ASB4: variants seen among roughly 807,000 people sequenced by gnomAD.
The protein encoded by ASB4 is ankyrin repeat and SOCS box protein 4.
In ASB4, 35 loss-of-function variants were observed where a neutral mutation model predicts 38.6. The ratio of observed to expected loss-of-function variants is 0.91; its 90% CI spans 0.69 to 1.20. ASB4 has a LOEUF of 1.20. Among genes scored for constraint, ASB4 ranks in the 50% most tolerant of loss-of-function variants. ASB4 has a pLI of 0.00. For missense variants in ASB4, 557 were observed against 527.2 expected, an observed-to-expected ratio of 1.06 and a Z score of -0.55; for synonymous variants, 195 against 201.3, an observed-to-expected ratio of 0.97 and a Z score of 0.26.
At chr7:95,477,521 T>C (rs1789988147), upstream of ASB4, among the ~76,000 whole-genome samples, 1 of 152,222 alleles carries the variant, frequency 6.6e-6, no homozygotes, top group South Asian at 2.1e-4. Flanking sequence ...ATTTTTTCTT[T>C]ACACTATCAG....
At chr7:95,478,210 G>A (rs1789994691), upstream of ASB4, among the ~76,000 whole-genome samples, 1 of 152,148 alleles carries the variant, frequency 6.6e-6, no homozygotes, top group Non-Finnish European at 1.5e-5. Context: ...CAATTGTGAG[G>A]TAAATGTTCT....
At chr7:95,511,351 G>A (rs1790478047) in intron 2 of ASB4, among the ~76,000 whole-genome samples, 1 of 151,816 alleles carries the variant, frequency 6.6e-6, no homozygotes, top group South Asian at 2.1e-4. Flanking sequence ...GTTTTCTTGC[G>A]GCCTCAGAAT....
In ASB4 at chr7:95,516,357, A is replaced by G. The variant is rs113470979; in HGVS notation, c.488-11456A>G. ...AATCAATGGTTTTTTGGAATTAAAA[A>G]GATAAAAAATAAAATAAATACAGGG... On this transcript the variant is annotated intron_variant, in intron 2 of 4. Coordinates refer to ENST00000325885, the MANE Select transcript of ASB4 (RefSeq NM_016116.3). Among the ~76,000 whole-genome samples, 851 of 152,290 alleles carry G rather than the reference A, an allele frequency of 5.6e-3. 10 individuals are homozygous for G. Among genetic ancestry groups the G allele is most frequent in the African/African-American group, 0.019 (788 of 41,550 alleles).
At chr7:95,514,453 A>G (rs1488731518) in intron 2 of ASB4, among the ~76,000 whole-genome samples, 2 of 152,218 alleles carry the variant, frequency 1.3e-5, no homozygotes, top group Non-Finnish European at 2.9e-5. Context: ...TATTAATTAC[A>G]TCATAAAAAT....
intron 2 of ASB4, among the ~76,000 whole-genome samples, chr7:95,499,744 C>T (rs1790305432): frequency 1.3e-5 from 2 of 151,826 alleles, no homozygotes; most frequent in African/African-American, 4.8e-5. Flanking sequence ...AAAGAAAAAG[C>T]TTGTGTGCTA....
At chr7:95,522,919 T>C (rs1790683400) in intron 2 of ASB4, among the ~76,000 whole-genome samples, 1 of 152,170 alleles carries the variant, frequency 6.6e-6, no homozygotes, top group Non-Finnish European at 1.5e-5. Flanking sequence ...AAAAGGTTCA[T>C]GAAGGAACTT....
At chr7:95,548,228 G>A in the ASB4 span, among the ~76,000 whole-genome samples, 2 of 152,196 alleles carry the variant, frequency 1.3e-5, no homozygotes, top group Admixed American at 1.3e-4. Flanking sequence ...AATAGTTGGT[G>A]ATGTAAGTCT....
upstream of ASB4, among the ~76,000 whole-genome samples, chr7:95,483,759 G>A (rs1486059239): frequency 1.3e-5 from 2 of 152,038 alleles, no homozygotes. Context: ...TATCTGCAGT[G>A]CCCAGAATAA....
At chr7:95,521,414 T>G (rs2116634479) in intron 2 of ASB4, among the ~76,000 whole-genome samples, 1 of 152,192 alleles carries the variant, frequency 6.6e-6, no homozygotes, top group South Asian at 2.1e-4. Flanking sequence ...CACTAAGAAG[T>G]TTGAGAGTAT....
intron 2 of ASB4, among the ~76,000 whole-genome samples, chr7:95,504,244 A>C (rs1490637374): frequency 6.6e-6 from 1 of 152,196 alleles, no homozygotes; most frequent in Non-Finnish European, 1.5e-5. Context: ...AAAGCCATAA[A>C]AATTCAAATG....
chr7:95,507,991 C>G (rs1397000334), intron 2 of ASB4, among the ~76,000 whole-genome samples: 1 of 151,934 alleles, frequency 6.6e-6, no homozygotes, highest in African/African-American at 2.4e-5. Flanking sequence ...AAAGTGTGAA[C>G]AAGCCTTTTA....
chr7:95,530,940 T>C lies in ASB4; in HGVS notation c.978+2637T>C, dbSNP rs147471704. Among the ~76,000 whole-genome samples, 23 of 152,292 alleles carry C rather than the reference T, an allele frequency of 1.5e-4. No homozygotes were observed. In the East Asian group the frequency reaches 4.1e-3, roughly 27 times the overall value. On this transcript the variant is annotated intron_variant, in intron 3 of 4. Transcript: ENST00000325885. Reference sequence around the variant, plus strand: ...AGAATCATGGACTTTGGGGTCAAACTTGGATTCTGTCACTTACTTAAGAGT... The same window carrying C: ...AGAATCATGGACTTTGGGGTCAAACCTGGATTCTGTCACTTACTTAAGAGT...
At position 95,527,844 on chromosome 7, in the gene ASB4, A is replaced by G; in HGVS notation, c.519A>G (p.Gln173=). The G allele has an allele frequency of 6.2e-7, 1 of 1,607,348 alleles. No homozygotes were observed. Residue 173 remains glutamine (Q), a synonymous_variant, in exon 3 of 5, where the codon CAA becomes CAG. Transcript: ENST00000325885. ...ATGTGAACATGAAGACCAACAACCAAGATGAGGAGACGCCCTTGCACACGG... is the reference window on the plus strand; with the variant it reads ...ATGTGAACATGAAGACCAACAACCAGGATGAGGAGACGCCCTTGCACACGG... The part of the protein sequence containing the change: ...GANVNMKTNN[Q]DEETPLHTAA...
chr7:95,542,327 T>G (rs564899137), downstream of ASB4: 1 of 152,316 alleles, frequency 6.6e-6, no homozygotes, highest in South Asian at 2.1e-4. Flanking sequence ...AACCTACATT[T>G]CAGTGATAAG....
chr7:95,545,456 C>T, the ASB4 span, among the ~76,000 whole-genome samples: 1 of 152,298 alleles, frequency 6.6e-6, no homozygotes, highest in African/African-American at 2.4e-5. Context: ...GTTAGTTTCT[C>T]TCTGTGTAGC....
chr7:95,515,216 T>G (rs1000468382), intron 2 of ASB4, among the ~76,000 whole-genome samples: 4 of 129,420 alleles, frequency 3.1e-5, no homozygotes, highest in African/African-American at 6.9e-5. Flanking sequence ...TTTCTTTCTT[T>G]CTTTCTTTCT....
intron 4 of ASB4, among the ~76,000 whole-genome samples, chr7:95,537,051 A>C (rs1790898367): frequency 6.6e-6 from 1 of 152,166 alleles, no homozygotes; most frequent in Non-Finnish European, 1.5e-5. Flanking sequence ...AGTCCTTCCC[A>C]CTGAACACCC....
chr7:95,525,363 C>T (rs1398792937), intron 2 of ASB4, among the ~76,000 whole-genome samples: 1 of 152,062 alleles, frequency 6.6e-6, no homozygotes, highest in Non-Finnish European at 1.5e-5. Flanking sequence ...TTCAAAGTTC[C>T]CAGGAGTTGA....
upstream of ASB4, among the ~76,000 whole-genome samples, chr7:95,475,549 A>G (rs10246739): frequency 0.013 from 1,991 of 151,928 alleles, 44 homozygotes; most frequent in African/African-American, 0.046. Context: ...ACACCTGGCT[A>G]AGTTTTGTAT....
Sources: allele counts gnomAD v4.1 joint callset (sites outside exome capture counted in the v4.1 genomes callset), GRCh38; gene constraint gnomAD v4.1.1; transcripts MANE v1.5; gene names NCBI Gene and HGNC (gene_info 2026-07-23, HGNC 2026-07-21).